The following MAP4K3 variants were observed in gnomAD, a reference collection of about 807,000 sequenced individuals.
MAP4K3 encodes the protein mitogen-activated protein kinase kinase kinase kinase 3.
Under a neutral mutation model 143.5 loss-of-function variants are expected in MAP4K3, and 94 were observed. The ratio of observed to expected loss-of-function variants is 0.65; its 90% CI spans 0.55 to 0.78. MAP4K3 has a LOEUF of 0.78. Ranked by LOEUF, MAP4K3 falls within the 30% of genes least tolerant of loss-of-function variation. The pLI is 0.00. For missense variants in MAP4K3, 1,077 were observed against 1,068.1 expected, an observed-to-expected ratio of 1.01 and a Z score of -0.12; for synonymous variants, 416 against 347.2, an observed-to-expected ratio of 1.20 and a Z score of -2.20.
intron 2 of MAP4K3, among the ~76,000 whole-genome samples, chr2:39,364,450 A>T (rs958059942): frequency 6.6e-6 from 1 of 152,238 alleles, no homozygotes; most frequent in African/African-American, 2.4e-5. Flanking sequence ...ATATTTGAAG[A>T]GATTTATTTT....
At chr2:39,402,330 AT>A (rs144523011) in intron 1 of MAP4K3, among the ~76,000 whole-genome samples, 10,283 of 152,138 alleles carry the variant, frequency 0.068, 1,170 homozygotes, top group African/African-American at 0.24. Context: ...AAAGAGCAAA[AT>A]TTTTTTGATT....
intron 14 of MAP4K3, 119 bp from the exon 15 acceptor site, chr2:39,308,124 A>G (rs997662869): frequency 5.1e-6 from 3 of 583,548 alleles, no homozygotes; most frequent in Non-Finnish European, 8.6e-6. Context: ...ATTAAGGCAA[A>G]TGGAGAGTCA....
intron 3 of MAP4K3, among the ~76,000 whole-genome samples, chr2:39,344,430 G>C (rs2148536921): frequency 6.6e-6 from 1 of 152,238 alleles, no homozygotes; most frequent in Non-Finnish European, 1.5e-5. Flanking sequence ...AATATTTCTT[G>C]ACATATGATG....
intron 1 of MAP4K3, among the ~76,000 whole-genome samples, chr2:39,417,696 T>C (rs1169266775): frequency 2.6e-5 from 4 of 152,212 alleles, no homozygotes; most frequent in African/African-American, 9.6e-5. Context: ...TAGCAATATA[T>C]ACACGTATTT....
rs1046668597 is a variant in MAP4K3, at chr2:39,365,610, A to G, written c.155-9271T>C. 6.9e-5 allele frequency among the ~76,000 whole-genome samples: 10 copies of G among 144,656 alleles called. No individual in the cohort carries two copies. The East Asian group carries it at 2.0e-3, about 29-fold the overall frequency. 94.9% of individuals were successfully genotyped at this position (144,656 alleles called of 152,430 possible). On this transcript the variant is annotated intron_variant, in intron 2 of 33. Coordinates refer to ENST00000263881, the MANE Select transcript of MAP4K3 (RefSeq NM_003618.4). ...CAGGCGCCCGCCACCGCGCCCGGCTAATTTTTTGTATTTTTAGTAGAGACG... is the reference window on the plus strand; with the variant it reads ...CAGGCGCCCGCCACCGCGCCCGGCTGATTTTTTGTATTTTTAGTAGAGACG...
intron 4 of MAP4K3, among the ~76,000 whole-genome samples, chr2:39,343,065 T>C (rs59475191): frequency 1.3e-5 from 2 of 152,172 alleles, no homozygotes; most frequent in African/African-American, 4.8e-5. Context: ...TCACTACTCA[T>C]GTATACACTG....
chr2:39,267,407 C>G (rs1680810162), intron 26 of MAP4K3, 160 bp from the exon 27 acceptor site: 1 of 605,520 alleles, frequency 1.7e-6, no homozygotes, highest in East Asian at 2.9e-5. Context: ...TGCCATGGCA[C>G]GTTGCCTGTA....
intron 1 of MAP4K3, among the ~76,000 whole-genome samples, chr2:39,387,732 T>G (rs576780027): frequency 1.6e-3 from 240 of 152,256 alleles, no homozygotes; most frequent in Non-Finnish European, 2.7e-3. Context: ...AAAGAGCAGA[T>G]CTCCAAGCTG....
chr2:39,411,225 A>T (rs987384314), intron 1 of MAP4K3, among the ~76,000 whole-genome samples: 1 of 152,206 alleles, frequency 6.6e-6, no homozygotes, highest in Admixed American at 6.5e-5. Flanking sequence ...TTAAAATCCA[A>T]TTTTAAAGCA....
At chr2:39,354,755 T>A (rs1665558907) in intron 3 of MAP4K3, among the ~76,000 whole-genome samples, 1 of 152,090 alleles carries the variant, frequency 6.6e-6, no homozygotes, top group Admixed American at 6.5e-5. Context: ...GTTACAACCA[T>A]GAACAGCAGG....
intron 1 of MAP4K3, among the ~76,000 whole-genome samples, chr2:39,390,502 T>C (rs762883487): frequency 6.6e-6 from 1 of 152,140 alleles, no homozygotes; most frequent in Non-Finnish European, 1.5e-5. Flanking sequence ...ATTCAATCAA[T>C]AGCCTATCAC....
At chr2:39,350,074 A>G (rs990197368) in intron 3 of MAP4K3, among the ~76,000 whole-genome samples, 3 of 152,190 alleles carry the variant, frequency 2.0e-5, no homozygotes, top group Non-Finnish European at 2.9e-5. Context: ...TAACTAACAG[A>G]GGACAGGGGT....
intron 4 of MAP4K3, among the ~76,000 whole-genome samples, chr2:39,337,797 A>G (rs1298405566): frequency 1.1e-5 from 1 of 87,922 alleles, no homozygotes; most frequent in Non-Finnish European, 2.0e-5. Flanking sequence ...GGGTCTCATT[A>G]TGTCACCCAG....
intron 1 of MAP4K3, among the ~76,000 whole-genome samples, chr2:39,378,668 T>A (rs569339766): frequency 2.4e-4 from 37 of 152,194 alleles, no homozygotes; most frequent in African/African-American, 7.2e-4. Context: ...GCTAACACAA[T>A]TGTGTATATA....
intron 2 of MAP4K3, among the ~76,000 whole-genome samples, chr2:39,374,806 C>T (rs1666174962): frequency 6.6e-6 from 1 of 152,092 alleles, no homozygotes; most frequent in South Asian, 2.1e-4. Context: ...GTCAAAAGGT[C>T]TGCGTAAGTT....
chr2:39,341,003 A>T (rs1315959319), intron 4 of MAP4K3, among the ~76,000 whole-genome samples: 1 of 152,108 alleles, frequency 6.6e-6, no homozygotes, highest in Non-Finnish European at 1.5e-5. Context: ...GGGGGAGAAA[A>T]TATTTGAAGA....
At chr2:39,339,610 A>T (rs886171164) in intron 4 of MAP4K3, among the ~76,000 whole-genome samples, 22 of 152,178 alleles carry the variant, frequency 1.4e-4, no homozygotes, top group African/African-American at 5.3e-4. Context: ...ACAAACACCC[A>T]CATAAAACCA....
chr2:39,380,632 G>C lies in MAP4K3; in HGVS notation c.97-2509C>G, dbSNP rs560383161. Among the ~76,000 whole-genome samples the C allele has an allele frequency of 5.8e-4, 89 of 152,258 alleles. 1 individual carries two copies. Among genetic ancestry groups the C allele is most frequent in the African/African-American group, 2.0e-3 (85 of 41,566 alleles). On this transcript the variant is annotated intron_variant, in intron 1 of 33. Transcript: ENST00000263881. Reference sequence around the variant, plus strand: ...AAAATATTCTAAGCAGCTAGATCTAGTCTGCTGCAACACTGATCTGACCAC... The same window carrying C: ...AAAATATTCTAAGCAGCTAGATCTACTCTGCTGCAACACTGATCTGACCAC...
At chr2:39,263,808 G>A (rs1161901520) in intron 28 of MAP4K3, among the ~76,000 whole-genome samples, 1 of 152,166 alleles carries the variant, frequency 6.6e-6, no homozygotes, top group African/African-American at 2.4e-5. Flanking sequence ...CCGGAAAAGA[G>A]AAGCCATGGA....
Sources: allele counts gnomAD v4.1 joint callset (sites outside exome capture counted in the v4.1 genomes callset), GRCh38; gene constraint gnomAD v4.1.1; transcripts MANE v1.5; gene names NCBI Gene and HGNC (gene_info 2026-07-23, HGNC 2026-07-21).